CFAP47: variants seen among roughly 807,000 people sequenced by gnomAD.
CFAP47 encodes the protein cilia and flagella associated protein 47.
A neutral mutation model predicts 148.1 loss-of-function variants in CFAP47; 29 were observed. That is an observed-to-expected ratio of 0.20 (90% CI 0.15 to 0.27). The LOEUF (loss-of-function observed/expected upper bound fraction) is 0.27. Among genes scored for constraint, CFAP47 ranks in the 10% least tolerant of loss-of-function variants. CFAP47 has a pLI of 1.00. For missense variants in CFAP47, 1,872 were observed against 1,697.5 expected (o/e 1.10, Z -1.81); for synonymous variants, 664 against 577.3 (o/e 1.15, Z -2.15).
intron 60 of CFAP47, among the ~76,000 whole-genome samples, chrX:36,358,336 AC>A (rs782804326): frequency 8.1e-5 from 9 of 111,123 alleles, no homozygotes; most frequent in Non-Finnish European, 1.7e-4. Context: ...ACACTGGTTG[AC>A]CCTTCTTGAT....
At chrX:36,194,333 T>C (rs1300315875) in intron 42 of CFAP47, among the ~76,000 whole-genome samples, 2 of 111,176 alleles carry the variant, frequency 1.8e-5, no homozygotes, top group African/African-American at 6.5e-5. Context: ...TCAACAAGTC[T>C]CTATGAAGTT....
intron 42 of CFAP47, among the ~76,000 whole-genome samples, chrX:36,196,786 CA>C (rs1162393463): frequency 9.0e-6 from 1 of 111,553 alleles, no homozygotes; most frequent in Non-Finnish European, 1.9e-5. Context: ...GCATGCCAAA[CA>C]GAAGTTATGA....
chrX:36,346,187 T>TTTTG (rs797023290), intron 57 of CFAP47, among the ~76,000 whole-genome samples: 1 of 111,018 alleles, frequency 9.0e-6, no homozygotes, highest in Non-Finnish European at 1.9e-5. Flanking sequence ...GTAATTTGTT[T>TTTTG]TTTGTTTGTT....
intron 30 of CFAP47, among the ~76,000 whole-genome samples, chrX:36,097,205 A>G (rs993560901): frequency 9.0e-6 from 1 of 111,496 alleles, no homozygotes; most frequent in Non-Finnish European, 1.9e-5. Context: ...ATTGTACTCT[A>G]TGGCTTTGTA....
At chrX:36,128,176 A>G (rs780298484) in intron 33 of CFAP47, among the ~76,000 whole-genome samples, 5 of 110,746 alleles carry the variant, frequency 4.5e-5, no homozygotes, top group Admixed American at 3.9e-4. Context: ...TATTTTTCTG[A>G]TCACTTCAAG....
chrX:36,159,495 A>G lies in CFAP47; in HGVS notation c.5856A>G (p.Leu1952=), dbSNP rs1222164319. ...GTCCTGCTGAAGCTTCACTACTATT[A>G]ATTTCAAAACCCAAGAATGCAGTAA... ...FIRPAEASLL[L]ISKPKNAVRG... Residue 1952 remains leucine (L), a synonymous_variant, in exon 38 of 64, where the codon TTA becomes TTG. Transcript: ENST00000378653. 3.4e-6 allele frequency: 1 copy of G among 296,260 alleles called. No homozygotes were observed. The highest frequency in any genetic ancestry group is 2.7e-5 in the African/African-American group (1 of 36,474). 24.4% of individuals were successfully genotyped at this position (296,260 alleles called of 1,213,427 possible).
chrX:36,103,914 A>T (rs1036923738), intron 32 of CFAP47, among the ~76,000 whole-genome samples: 1 of 111,416 alleles, frequency 9.0e-6, no homozygotes, highest in African/African-American at 3.3e-5. Flanking sequence ...ATATCGCTAA[A>T]ATTATTTTTA....
chrX:36,331,404 G>T (rs969969244), intron 57 of CFAP47, among the ~76,000 whole-genome samples: 2 of 110,728 alleles, frequency 1.8e-5, no homozygotes, highest in East Asian at 5.7e-4. Context: ...ATTTATTGCA[G>T]GCTGGTGGAT....
At chrX:36,366,537 A>C (rs6629078) in intron 61 of CFAP47, among the ~76,000 whole-genome samples, 10,433 of 111,372 alleles carry the variant, frequency 0.094, 379 homozygotes, top group East Asian at 0.23. Context: ...CGAGTTGAAA[A>C]TACTTTCGCA....
At chrX:36,268,824 C>T (rs1053097222) in intron 49 of CFAP47, among the ~76,000 whole-genome samples, 14 of 111,757 alleles carry the variant, frequency 1.3e-4, no homozygotes, top group African/African-American at 4.2e-4. Flanking sequence ...ACATAAGAAT[C>T]ACAGATACAA....
Position 35,989,576 on chromosome X carries a change from A to G in CFAP47, c.2844+127A>G, listed in dbSNP as rs1206885203. On this transcript the variant is annotated intron_variant, in intron 16 of 63. Transcript: ENST00000378653. ...CCCAAGACTTTCATGCAACAGTACT[A>G]GTTTTTTTGTTAGAGCCTCTATAAA... 6 of 1,168,972 alleles carry G rather than the reference A, an allele frequency of 5.1e-6. No individual in the cohort carries two copies. In the East Asian group the frequency reaches 1.8e-4, roughly 35 times the overall value.
At chrX:36,116,699 T>C (rs1405397758) in intron 33 of CFAP47, among the ~76,000 whole-genome samples, 1 of 111,997 alleles carries the variant, frequency 8.9e-6, no homozygotes, top group Non-Finnish European at 1.9e-5. Flanking sequence ...TATGTGTTAA[T>C]TATATAATGG....
intron 45 of CFAP47, among the ~76,000 whole-genome samples, chrX:36,219,118 T>G (rs1481437006): frequency 8.9e-6 from 1 of 111,810 alleles, no homozygotes; most frequent in Non-Finnish European, 1.9e-5. Context: ...CTTAGATGCA[T>G]TAATGAAGAT....
intron 1 of CFAP47, among the ~76,000 whole-genome samples, chrX:35,924,025 A>G (rs1317960085): frequency 2.3e-4 from 22 of 95,880 alleles, no homozygotes; most frequent in South Asian, 4.7e-4. Flanking sequence ...ATATGCACAT[A>G]TATATGCACA....
At chrX:35,974,948 C>A (rs1339396667) in intron 13 of CFAP47, among the ~76,000 whole-genome samples, 199 bp from the exon 14 acceptor site, 1 of 110,290 alleles carries the variant, frequency 9.1e-6, no homozygotes, top group East Asian at 2.8e-4. Context: ...TGAATTGTAG[C>A]CAATAATGTC....
chrX:36,161,136 G>A (rs973711955), intron 39 of CFAP47, among the ~76,000 whole-genome samples: 5 of 111,118 alleles, frequency 4.5e-5, no homozygotes, highest in South Asian at 3.7e-4. Flanking sequence ...ATGAACCACC[G>A]CGCCTGGCCG....
intron 1 of CFAP47, among the ~76,000 whole-genome samples, chrX:35,925,743 A>G (rs1226132594): frequency 9.0e-6 from 1 of 111,434 alleles, no homozygotes; most frequent in Non-Finnish European, 1.9e-5. Flanking sequence ...TGCAATCTCC[A>G]CCTTCTGGGT....
At chrX:36,342,686 A>G (rs1941663821) in intron 57 of CFAP47, among the ~76,000 whole-genome samples, 1 of 112,360 alleles carries the variant, frequency 8.9e-6, no homozygotes, top group African/African-American at 3.2e-5. Flanking sequence ...TTCACTTCAT[A>G]CATGTGTAAA....
intron 46 of CFAP47, among the ~76,000 whole-genome samples, chrX:36,229,376 A>G (rs1555991994): frequency 8.9e-6 from 1 of 111,808 alleles, no homozygotes; most frequent in Non-Finnish European, 1.9e-5. Flanking sequence ...AATCTTTGCT[A>G]TGTGAGCAAC....
Sources: allele counts gnomAD v4.1 joint callset (sites outside exome capture counted in the v4.1 genomes callset), GRCh38; gene constraint gnomAD v4.1.1; transcripts MANE v1.5; gene names NCBI Gene and HGNC (gene_info 2026-07-23, HGNC 2026-07-21).